C1GALT1: variants seen among roughly 807,000 people sequenced by gnomAD.
C1GALT1 encodes core 1 synthase, glycoprotein-N-acetylgalactosamine 3-beta-galactosyltransferase 1.
In C1GALT1, 11 loss-of-function variants were observed where a neutral mutation model predicts 31.0. The observed-to-expected ratio is 0.36, with a 90% CI of 0.22 to 0.59. C1GALT1 has a LOEUF of 0.59. Ranked by LOEUF, C1GALT1 falls within the 20% of genes least tolerant of loss-of-function variation. The pLI, the probability that C1GALT1 is intolerant of heterozygous loss-of-function variation, is 0.79. For synonymous variants in C1GALT1, 175 were observed against 143.6 expected, an observed-to-expected ratio of 1.22 and a Z score of -1.56; for missense variants, 424 against 425.2, an observed-to-expected ratio of 1.00 and a Z score of 0.03.
chr7:7,211,649 G>A (rs1782009386), intron 1 of C1GALT1, among the ~76,000 whole-genome samples: 1 of 152,160 alleles, frequency 6.6e-6, no homozygotes, highest in African/African-American at 2.4e-5. Flanking sequence ...TACTTGCCAA[G>A]ATAATTTCCC....
intron 3 of C1GALT1, 33 bp from the exon 4 acceptor site, chr7:7,243,491 T>C: frequency 2.6e-6 from 4 of 1,510,122 alleles, no homozygotes; most frequent in South Asian, 1.3e-5. Flanking sequence ...ATGTGCTGTT[T>C]ATTAACAATA....
intron 1 of C1GALT1, among the ~76,000 whole-genome samples, chr7:7,229,264 G>C (rs1782950400): frequency 6.6e-6 from 1 of 152,124 alleles, no homozygotes; most frequent in South Asian, 2.1e-4. Flanking sequence ...ATCACAGCTA[G>C]GACAAAAAGC....
At chr7:7,213,644 A>C (rs1782107262) in intron 1 of C1GALT1, among the ~76,000 whole-genome samples, 1 of 152,200 alleles carries the variant, frequency 6.6e-6, no homozygotes, top group Admixed American at 6.5e-5. Flanking sequence ...ATTAGCCTTT[A>C]CTGTGACATG....
intron 1 of C1GALT1, 73 bp from the exon 2 acceptor site, chr7:7,234,230 T>C: frequency 9.0e-7 from 1 of 1,107,740 alleles, no homozygotes; most frequent in Non-Finnish European, 1.3e-6. Context: ...TAGCTAAATG[T>C]TACCAGAATT....
chr7:7,201,200 TGTTTGTTG>T (rs1781516924), intron 1 of C1GALT1, among the ~76,000 whole-genome samples: 1 of 152,230 alleles, frequency 6.6e-6, no homozygotes, highest in Non-Finnish European at 1.5e-5. Flanking sequence ...ATGTCCTTTC[TGTTTGTTG>T]GTTTTCCTTC....
upstream of C1GALT1, among the ~76,000 whole-genome samples, chr7:7,180,122 G>A (rs1306460811): frequency 6.6e-6 from 1 of 152,156 alleles, no homozygotes; most frequent in Non-Finnish European, 1.5e-5. Context: ...CTACTCCAAC[G>A]AGTTTTGACA....
intron 1 of C1GALT1, among the ~76,000 whole-genome samples, chr7:7,213,502 T>G (rs1341419036): frequency 1.3e-5 from 2 of 152,222 alleles, no homozygotes; most frequent in Admixed American, 1.3e-4. Context: ...TGTCAGATGA[T>G]TCCGTCTACC....
chr7:7,164,183 C>T (rs1187521748), intron 2 of C1GALT1, among the ~76,000 whole-genome samples: 2 of 152,292 alleles, frequency 1.3e-5, no homozygotes, highest in East Asian at 1.9e-4. Context: ...ACTATCTGAT[C>T]TTTGACAAAC....
chr7:7,201,777 G>C (rs1781541439), intron 1 of C1GALT1, among the ~76,000 whole-genome samples: 1 of 152,186 alleles, frequency 6.6e-6, no homozygotes. Context: ...AGTAAGCAGG[G>C]CTTTCAGGTT....
At chr7:7,188,862 A>G (rs932457012) in intron 1 of C1GALT1, among the ~76,000 whole-genome samples, 1 of 152,204 alleles carries the variant, frequency 6.6e-6, no homozygotes, top group Non-Finnish European at 1.5e-5. Flanking sequence ...ACCGATAAGC[A>G]TGATCTCTGA....
At chr7:7,206,637 T>C (rs1228554489) in intron 1 of C1GALT1, among the ~76,000 whole-genome samples, 2 of 149,952 alleles carry the variant, frequency 1.3e-5, no homozygotes, top group Non-Finnish European at 1.5e-5. Flanking sequence ...GATCGCGCCA[T>C]TGCACTCCAG....
intron 1 of C1GALT1, among the ~76,000 whole-genome samples, chr7:7,217,745 T>A (rs887723011): frequency 5.9e-5 from 9 of 152,130 alleles, no homozygotes; most frequent in Admixed American, 4.6e-4. Context: ...ACAATCATAG[T>A]TCATTGCAGC....
rs1783453787 is a variant in C1GALT1 at position 7,238,191 on chromosome 7, T to C, written c.221-64T>C. ...AATTAGGACAGTGCTTTCTTCAGTATAATTTATTAATATTTGGATTTTACA... is the reference window on the plus strand; with the variant it reads ...AATTAGGACAGTGCTTTCTTCAGTACAATTTATTAATATTTGGATTTTACA... On this transcript the variant is annotated intron_variant, in intron 2 of 3. Coordinates refer to ENST00000436587, the MANE Select transcript of C1GALT1 (RefSeq NM_020156.5). This position sits in a 1 kb window ranked among gnomAD's most constrained non-coding sequence, Gnocchi z 5.2. 3 of 1,388,104 alleles carry C rather than the reference T, an allele frequency of 2.2e-6. No homozygotes were observed. The highest frequency in any genetic ancestry group is 1.9e-6 in the Non-Finnish European group (2 of 1,025,982). The allele number at this position is 1,388,104 out of a possible 1,614,324, so 86.0% of individuals were successfully genotyped here. A position where few individuals can be genotyped will look rare whatever the true frequency, so the allele number is the denominator to read the frequency against.
In C1GALT1 at chr7:7,238,873, T is replaced by A; in HGVS notation, c.839T>A (p.Leu280Gln). 6.2e-7 allele frequency: 1 copy of A among 1,613,740 alleles called. No individual in the cohort carries two copies. The highest frequency in any genetic ancestry group is 8.5e-7 in the Non-Finnish European group (1 of 1,179,806). The change falls in exon 3 of 4, where the codon CTA becomes CAA. Residue 280 changes from leucine (L) to glutamine (Q), a missense_variant. Coordinates refer to ENST00000436587, the MANE Select transcript of C1GALT1 (RefSeq NM_020156.5). This position sits in a 1 kb window ranked among gnomAD's most constrained non-coding sequence, Gnocchi z 5.2. Reference protein sequence around the residue: ...VPEHHLIKGYLPRTFWYWNYN... With the variant: ...VPEHHLIKGYQPRTFWYWNYN... ...GAACACCATTTAATTAAAGGTTATC[T>A]ACCTAGAACGTTTTGGTACTGGAAT...
chr7:7,187,578 C>T (rs754752305), intron 1 of C1GALT1, among the ~76,000 whole-genome samples: 3 of 152,186 alleles, frequency 2.0e-5, no homozygotes, highest in Non-Finnish European at 4.4e-5. Context: ...CTACTGGCAT[C>T]TAGTGAGTAA....
chr7:7,230,730 A>G (rs1783036983), intron 1 of C1GALT1, among the ~76,000 whole-genome samples: 1 of 143,998 alleles, frequency 6.9e-6, no homozygotes, highest in South Asian at 2.2e-4. Context: ...TTTAAAGATT[A>G]TATTAGACAT....
intron 1 of C1GALT1, among the ~76,000 whole-genome samples, chr7:7,229,960 A>C (rs1051111057): frequency 1.3e-5 from 2 of 152,200 alleles, no homozygotes; most frequent in African/African-American, 4.8e-5. Context: ...AAAGGTGTAA[A>C]CATGTATCTG....
At chr7:7,167,552 C>T (rs1780411331) in intron 2 of C1GALT1, among the ~76,000 whole-genome samples, 1 of 151,860 alleles carries the variant, frequency 6.6e-6, no homozygotes, top group African/African-American at 2.4e-5. Context: ...ATCAAGATGC[C>T]ATTTCATGGA....
At chr7:7,206,992 C>G (rs1427114091) in intron 1 of C1GALT1, among the ~76,000 whole-genome samples, 3 of 152,010 alleles carry the variant, frequency 2.0e-5, no homozygotes, top group Middle Eastern at 3.2e-3. Context: ...TGTTTATATT[C>G]ATGCCTTTTA....
Sources: gnomAD v4.1 joint callset for allele counts (sites outside exome capture counted in the v4.1 genomes callset) on GRCh38, gnomAD v4.1.1 for gene constraint, Gnocchi (gnomAD v3.1) non-coding constraint, MANE v1.5 for transcripts, NCBI Gene and HGNC (gene_info 2026-07-23, HGNC 2026-07-21) for gene names.